RACGAP1: variants seen among roughly 807,000 people sequenced by gnomAD.
RACGAP1 encodes the protein Rac GTPase activating protein 1.
A neutral mutation model predicts 78.1 loss-of-function variants in RACGAP1; 30 were observed. The ratio of observed to expected loss-of-function variants is 0.38; its 90% confidence interval spans 0.29 to 0.52. The LOEUF is 0.52. Ranked by LOEUF, RACGAP1 falls within the 20% of genes least tolerant of loss-of-function variation. RACGAP1 has a pLI of 0.82. For synonymous variants in RACGAP1, 231 were observed against 264.8 expected (o/e 0.87, Z 1.24); for missense variants, 587 against 777.1 (o/e 0.76, Z 2.91).
At chr12:50,016,500 G>T (rs1488069847) in intron 2 of RACGAP1, 131 bp downstream of exon 2, 21 of 933,242 alleles carry the variant, frequency 2.3e-5, no homozygotes, top group Non-Finnish European at 2.6e-5. Flanking sequence ...GACCACGTAA[G>T]TGATCACTGC....
At chr12:50,011,910 T>G (rs1044064827) in intron 2 of RACGAP1, among the ~76,000 whole-genome samples, 1 of 136,506 alleles carries the variant, frequency 7.3e-6, no homozygotes, top group African/African-American at 2.9e-5. Flanking sequence ...GCCGAGATCG[T>G]GCCACTGTAC....
Position 49,990,107 on chromosome 12 carries a change from GA to G in RACGAP1, c.*160del, listed in dbSNP as rs777187871. 3.6e-5 allele frequency: 19 copies of G among 531,380 alleles called. No individual in the cohort carries two copies. The highest frequency in any genetic ancestry group is 5.7e-5 in the Non-Finnish European group (17 of 299,456). 32.9% of individuals were successfully genotyped at this position (531,380 alleles called of 1,614,324 possible). On this transcript the variant is annotated 3_prime_UTR_variant, in exon 17 of 17. Transcript: ENST00000312377. ...TGTGACTTGAGGAGAAGGAAGGGGAGATATATATAGTTTTAATAAAACCCTC... is the reference window on the plus strand; with the variant it reads ...TGTGACTTGAGGAGAAGGAAGGGGAGTATATATAGTTTTAATAAAACCCTC...
intron 1 of RACGAP1, among the ~76,000 whole-genome samples, chr12:50,022,372 C>T (rs611434): frequency 0.73 from 111,777 of 152,200 alleles, 47,308 homozygotes; most frequent in Non-Finnish European, 0.93. Flanking sequence ...GACCTTAGGT[C>T]GGCAGTTTGA....
chr12:50,018,852 A>T (rs56232366), intron 1 of RACGAP1, among the ~76,000 whole-genome samples: 13,739 of 144,664 alleles, frequency 0.095, 719 homozygotes, highest in South Asian at 0.15. Flanking sequence ...TTTTTTTTTT[A>T]ATTTTTTGAG....
At chr12:50,008,633 C>T (rs1168498291) in intron 2 of RACGAP1, among the ~76,000 whole-genome samples, 2 of 152,016 alleles carry the variant, frequency 1.3e-5, no homozygotes, top group East Asian at 3.9e-4. Context: ...ACTGGGACTA[C>T]AGGCGTGTGC....
At chr12:50,032,556 TG>T (rs1950344895) in intron 1 of RACGAP1, among the ~76,000 whole-genome samples, 1 of 151,982 alleles carries the variant, frequency 6.6e-6, no homozygotes, top group Non-Finnish European at 1.5e-5. Flanking sequence ...TGTGTGTGTG[TG>T]TGTGTGTGTG....
chr12:49,993,427 A>G (rs949068383), intron 12 of RACGAP1, among the ~76,000 whole-genome samples: 2 of 152,204 alleles, frequency 1.3e-5, no homozygotes, highest in Non-Finnish European at 2.9e-5. Context: ...GCATACAGTT[A>G]CTCATCCATC....
chr12:49,994,058 TA>T, intron 12 of RACGAP1, 72 bp downstream of exon 12: 1 of 1,367,144 alleles, frequency 7.3e-7, no homozygotes, highest in Non-Finnish European at 1.0e-6. Context: ...AAAAAATAAA[TA>T]AAAAAATAAA....
chr12:50,025,313 G>A (rs528834039), intron 1 of RACGAP1, 85 bp downstream of exon 1: 32 of 985,644 alleles, frequency 3.2e-5, no homozygotes, highest in Middle Eastern at 1.0e-3. Context: ...GACCCCCGCG[G>A]CGGCCACGGC....
intron 6 of RACGAP1, 101 bp downstream of exon 6, chr12:50,002,146 G>A: frequency 1.2e-6 from 1 of 810,332 alleles, no homozygotes; most frequent in Non-Finnish European, 2.0e-6. Flanking sequence ...GCTTAACAAT[G>A]GCTAGAGCAA....
chr12:50,026,499 G>T (rs566502176), upstream of RACGAP1, among the ~76,000 whole-genome samples: 28 of 152,164 alleles, frequency 1.8e-4, no homozygotes, highest in Non-Finnish European at 1.8e-4. Flanking sequence ...TAATGCATTT[G>T]AAAATTGCTA....
At chr12:50,010,670 C>T (rs992677459) in intron 2 of RACGAP1, among the ~76,000 whole-genome samples, 4 of 151,666 alleles carry the variant, frequency 2.6e-5, no homozygotes, top group Admixed American at 6.6e-5. Flanking sequence ...CCGTGGCTCA[C>T]GCTTGTAATC....
At chr12:50,010,484 C>T (rs1051118428) in intron 2 of RACGAP1, among the ~76,000 whole-genome samples, 6 of 151,780 alleles carry the variant, frequency 4.0e-5, no homozygotes, top group Non-Finnish European at 5.9e-5. Flanking sequence ...CTACCACGCC[C>T]GGCTAACTTT....
intron 2 of RACGAP1, 83 bp downstream of exon 2, chr12:50,016,548 G>T: frequency 7.1e-7 from 1 of 1,417,754 alleles, no homozygotes; most frequent in Non-Finnish European, 9.9e-7. Context: ...ACAACTTTAA[G>T]ATTGGAAAAT....
chr12:49,997,243 A>T lies in RACGAP1; in HGVS notation c.880-39T>A, dbSNP rs1592144338. ...GGGCAGAAGGAACAGAGTGATATGA[A>T]TTAGAAAATTATCATCATAATCAAC... On this transcript the variant is annotated intron_variant, in intron 9 of 16. Coordinates refer to ENST00000312377, the MANE Select transcript of RACGAP1 (RefSeq NM_001319999.2). 5 of 1,441,410 alleles carry T rather than the reference A, an allele frequency of 3.5e-6. No homozygotes were observed. In the East Asian group the frequency reaches 1.3e-4, roughly 37 times the overall value. The allele number at this position is 1,441,410 out of a possible 1,614,324, so 89.3% of individuals were successfully genotyped here.
intron 1 of RACGAP1, among the ~76,000 whole-genome samples, chr12:50,019,964 A>G (rs1308645736): frequency 6.6e-6 from 1 of 152,180 alleles, no homozygotes; most frequent in Admixed American, 6.6e-5. Flanking sequence ...TTGGTCTGAT[A>G]GTTGTTACTT....
Position 49,997,024 on chromosome 12 carries a change from C to A in RACGAP1, c.1044+16G>T. ...TAAAGAGGCCATAAAACAATGACGG[C>A]TTGCATAAGTCATACCTCTCCAATC... is the stretch of plus-strand genomic sequence containing the variant. On this transcript the variant is annotated intron_variant, in intron 10 of 16. Transcript: ENST00000312377. 6.9e-7 allele frequency: 1 copy of A among 1,445,958 alleles called. No homozygotes were observed. 89.6% of individuals were successfully genotyped at this position (1,445,958 alleles called of 1,614,324 possible). A position where few individuals can be genotyped will look rare whatever the true frequency, so the allele number is the denominator to read the frequency against.
chr12:50,012,958 G>A (rs987148557), intron 2 of RACGAP1, among the ~76,000 whole-genome samples: 2 of 151,886 alleles, frequency 1.3e-5, no homozygotes, highest in African/African-American at 4.8e-5. Flanking sequence ...AGCTACTCAG[G>A]AGGCTGAGGC....
In RACGAP1 at chr12:49,992,272, C is replaced by T. The variant is rs750885282; in HGVS notation, c.1551G>A (p.Met517Ile). The T allele has an allele frequency of 1.2e-6, 2 of 1,614,178 alleles. No homozygotes were observed. The highest frequency in any genetic ancestry group is 2.2e-5 in the East Asian group (1 of 44,894). The change falls in exon 14 of 17, where the codon ATG becomes ATA. Residue 517 changes from methionine to isoleucine, a missense_variant. By Grantham distance (10) the Met-to-Ile change is conservative. Coordinates refer to ENST00000312377, the MANE Select transcript of RACGAP1 (RefSeq NM_001319999.2). ...TGGGTTGACGCTTGATGTCCTGTAA[C>T]ATTGTCACTGGGTCTGGATTGGGCA... ...HAVPNPDPVT[M>I]LQDIKRQPKV...
Sources: allele counts gnomAD v4.1 joint callset (sites outside exome capture counted in the v4.1 genomes callset), GRCh38; gene constraint gnomAD v4.1.1; transcripts MANE v1.5; gene names NCBI Gene and HGNC (gene_info 2026-07-23, HGNC 2026-07-21).